DNAJC13: variants seen among roughly 807,000 people sequenced by gnomAD.
The protein encoded by DNAJC13 is DnaJ heat shock protein family (Hsp40) member C13, also known as dnaJ homolog subfamily C member 13.
A neutral mutation model predicts 290.5 loss-of-function variants in DNAJC13; 75 were observed. The ratio of observed to expected loss-of-function variants is 0.26; its 90% CI spans 0.21 to 0.31. The LOEUF is 0.31. Ranked by LOEUF, DNAJC13 falls within the 10% of genes least tolerant of loss-of-function variation. DNAJC13 has a pLI of 1.00. For missense variants in DNAJC13, 2,260 were observed against 2,674.5 expected (o/e 0.85, Z 3.42); for synonymous variants, 862 against 892.0 (o/e 0.97, Z 0.60).
At position 132,471,321 on chromosome 3, in the gene DNAJC13, G is replaced by T. The variant is rs1430361371; in HGVS notation, c.2209-1824G>T. 2.7e-5 allele frequency among the ~76,000 whole-genome samples: 4 copies of T among 146,242 alleles called. No individual in the cohort carries two copies. The East Asian group carries it at 8.3e-4, about 30-fold the overall frequency. ...GACCCCCCACCTCCCTCCCGGACGG[G>T]GCGGCTGGCCGGGCGGGGGGTTGAC... On this transcript the variant is annotated intron_variant, in intron 20 of 55. Coordinates refer to ENST00000260818, the MANE Select transcript of DNAJC13 (RefSeq NM_015268.4).
At chr3:132,463,659 T>C (rs1283972914) in intron 16 of DNAJC13, 37 bp from the exon 17 acceptor site, 1 of 1,582,886 alleles carries the variant, frequency 6.3e-7, no homozygotes, top group Non-Finnish European at 8.6e-7. Context: ...TTGTCCTGGA[T>C]TGCCACCTTA....
rs761316203 is a variant in DNAJC13, at chr3:132,453,697, A to G, written c.840+3A>G. On this transcript the variant is annotated splice_donor_region_variant and intron_variant, in intron 8 of 55. Coordinates refer to ENST00000260818, the MANE Select transcript of DNAJC13 (RefSeq NM_015268.4). ...CAACATTGAAGCCTTTAGGAGAAGTAAGTTTCAGCATTGTTAGCTTAAATG... is the reference window on the plus strand; with the variant it reads ...CAACATTGAAGCCTTTAGGAGAAGTGAGTTTCAGCATTGTTAGCTTAAATG... 6.3e-7 allele frequency: 1 copy of G among 1,599,808 alleles called. No individual in the cohort carries two copies. The highest frequency in any genetic ancestry group is 8.5e-7 in the Non-Finnish European group (1 of 1,173,938).
intron 33 of DNAJC13, among the ~76,000 whole-genome samples, chr3:132,493,010 A>G (rs1447487509): frequency 6.6e-6 from 1 of 152,060 alleles, no homozygotes; most frequent in Non-Finnish European, 1.5e-5. Context: ...ATTAATATTT[A>G]ATAACTCTTT....
chr3:132,531,620 AC>A (rs1237943293), intron 55 of DNAJC13, among the ~76,000 whole-genome samples: 2 of 152,218 alleles, frequency 1.3e-5, no homozygotes. Context: ...ACACAGTGAA[AC>A]CCCATCTCTA....
chr3:132,502,685 A>T (rs969043304), intron 40 of DNAJC13, among the ~76,000 whole-genome samples: 1 of 152,230 alleles, frequency 6.6e-6, no homozygotes, highest in Non-Finnish European at 1.5e-5. Context: ...TTGCAATAGC[A>T]TATACTGGAC....
Position 132,513,068 on chromosome 3 carries a change from G to T in DNAJC13, c.5354G>T (p.Gly1785Val). The part of the protein sequence containing the change: ...KLIFSLLRVH[G>V]AGQVQQLALE... Reference sequence around the variant, plus strand: ...ATATTTTCTCTTCTCCGAGTTCATGGAGCTGGTCAAGTGCAGCAGTTGGCT... The same window carrying T: ...ATATTTTCTCTTCTCCGAGTTCATGTAGCTGGTCAAGTGCAGCAGTTGGCT... Residue 1785 changes from glycine (G) to valine (V), a missense_variant, in exon 45 of 56, where the codon GGA (glycine) becomes GTA (valine). By Grantham distance (109) the Gly-to-Val change is moderately radical. Around this residue, in one of 3 missense-constraint regions of DNAJC13, gnomAD observed 1,494 missense variants for 1,693.7 expected, o/e 0.88. Coordinates refer to ENST00000260818, the MANE Select transcript of DNAJC13 (RefSeq NM_015268.4). 6.2e-7 allele frequency: 1 copy of T among 1,613,302 alleles called. No individual in the cohort carries two copies.
At chr3:132,436,443 A>G (rs1394888614) in intron 2 of DNAJC13, among the ~76,000 whole-genome samples, 1 of 152,212 alleles carries the variant, frequency 6.6e-6, no homozygotes, top group Non-Finnish European at 1.5e-5. Flanking sequence ...TTGTTTATCC[A>G]TTCATCAACT....
In DNAJC13 at chr3:132,489,035, A is replaced by G. The variant is rs200267601; in HGVS notation, c.3468+14A>G. On this transcript the variant is annotated intron_variant, in intron 31 of 55. Transcript: ENST00000260818. The stretch of plus-strand genomic sequence containing the variant: ...AAGTCAGAAGAGGTAAGCCAGGTTA[A>G]TCCTCTGAATACTTAACCCTGGGTA... 3.1e-6 allele frequency: 5 copies of G among 1,607,200 alleles called. No individual in the cohort carries two copies. The Admixed American group carries it at 5.0e-5, about 16-fold the overall frequency.
intron 48 of DNAJC13, among the ~76,000 whole-genome samples, chr3:132,521,223 A>T (rs1375782946): frequency 6.6e-6 from 1 of 151,810 alleles, no homozygotes; most frequent in East Asian, 1.9e-4. Flanking sequence ...AGGTAGAGAG[A>T]CCCCATCTCT....
intron 55 of DNAJC13, among the ~76,000 whole-genome samples, chr3:132,533,815 C>A (rs1421396545): frequency 6.6e-6 from 1 of 152,170 alleles, no homozygotes; most frequent in African/African-American, 2.4e-5. Flanking sequence ...CCTTGACTTA[C>A]AGAGTGTGAA....
chr3:132,494,301 T>TA, intron 34 of DNAJC13, 42 bp downstream of exon 34: 7 of 1,410,926 alleles, frequency 5.0e-6, no homozygotes, highest in Non-Finnish European at 7.0e-6. Flanking sequence ...TGTCCCACCT[T>TA]AAAGTACCAG....
rs1323574223 is a variant in DNAJC13, at chr3:132,507,283, A to G, written c.5045A>G (p.His1682Arg). The change falls in exon 43 of 56, where the codon CAT becomes CGT. Residue 1682 changes from histidine to arginine, a missense_variant. By Grantham distance (29) the His-to-Arg change is conservative. Coordinates refer to ENST00000260818, the MANE Select transcript of DNAJC13 (RefSeq NM_015268.4). ...TYGSEFVYSD[H>R]AKELIVGEIF... ...GGATCAGAATTTGTCTACAGTGATC[A>G]TGCCAAAGAACTTATTGTAGGGGAG... 1 of 1,613,652 alleles carries G rather than the reference A, an allele frequency of 6.2e-7. No individual in the cohort carries two copies. Among genetic ancestry groups the G allele is most frequent in the Non-Finnish European group, 8.5e-7 (1 of 1,179,672 alleles).
chr3:132,492,718 T>A, intron 33 of DNAJC13, 103 bp downstream of exon 33: 1 of 968,820 alleles, frequency 1.0e-6, no homozygotes, highest in Non-Finnish European at 1.6e-6. Flanking sequence ...ATAGCTTTCT[T>A]AAGTATTCCT....
At position 132,477,981 on chromosome 3, in the gene DNAJC13, G is replaced by C. The variant is rs905814003; in HGVS notation, c.2550G>C (p.Ser850=). 6.3e-7 allele frequency: 1 copy of C among 1,598,328 alleles called. No homozygotes were observed. Among genetic ancestry groups the C allele is most frequent in the Non-Finnish European group, 8.5e-7 (1 of 1,175,986 alleles). ...ENEESGSIKR[S]YEFFNELYHR... ...GTGAACTTTTTTTTTTAAAATCTAG[G>C]TATGAATTTTTCAATGAGCTTTATC... Residue 850 remains serine (S), a splice_region_variant and synonymous_variant, in exon 24 of 56, where the codon TCG becomes TCC. Transcript: ENST00000260818.
chr3:132,432,364 G>A (rs1440168222), intron 1 of DNAJC13, among the ~76,000 whole-genome samples: 2 of 151,838 alleles, frequency 1.3e-5, no homozygotes, highest in Non-Finnish European at 2.9e-5. Flanking sequence ...CACCACGCCC[G>A]GCTGATTTTT....
intron 2 of DNAJC13, among the ~76,000 whole-genome samples, chr3:132,442,996 GT>G (rs1198646159): frequency 6.6e-6 from 1 of 152,156 alleles, no homozygotes; most frequent in Non-Finnish European, 1.5e-5. Flanking sequence ...TGGATAGATT[GT>G]TTTATCTAGC....
intron 2 of DNAJC13, among the ~76,000 whole-genome samples, chr3:132,443,257 A>G (rs373299255): frequency 5.3e-5 from 8 of 152,156 alleles, no homozygotes; most frequent in African/African-American, 2.4e-5. Context: ...GGTTCAAGCA[A>G]TTCTCCTGCC....
chr3:132,493,877 T>C (rs1935144282), intron 33 of DNAJC13, among the ~76,000 whole-genome samples: 1 of 152,162 alleles, frequency 6.6e-6, no homozygotes, highest in Non-Finnish European at 1.5e-5. Flanking sequence ...TTCCTGGGTT[T>C]AATTTGAAGC....
chr3:132,435,433 A>G (rs565941284), intron 2 of DNAJC13, among the ~76,000 whole-genome samples: 15 of 152,262 alleles, frequency 9.9e-5, no homozygotes, highest in African/African-American at 3.4e-4. Flanking sequence ...TCTTCTCTCA[A>G]CTTTTCATTT....
Sources: gnomAD v4.1 joint callset for allele counts (sites outside exome capture counted in the v4.1 genomes callset) on GRCh38, gnomAD v4.1.1 for gene constraint, gnomAD v4.1.1 regional missense constraint, MANE v1.5 for transcripts, NCBI Gene and HGNC (gene_info 2026-07-23, HGNC 2026-07-21) for gene names.